Variants in ST7L observed in about 807,000 individuals in gnomAD.
The protein encoded by ST7L is suppression of tumorigenicity 7 like.
In ST7L, 57 loss-of-function variants were observed where a neutral mutation model predicts 72.5. The ratio of observed to expected loss-of-function variants is 0.79; its 90% CI spans 0.64 to 0.98. The LOEUF is 0.98. Ranked by LOEUF, ST7L falls within the 50% of genes least tolerant of loss-of-function variation. The pLI, the probability that ST7L is intolerant of heterozygous loss-of-function variation, is 0.00. For missense variants in ST7L, 576 were observed against 672.2 expected, an observed-to-expected ratio of 0.86 and a Z score of 1.58; for synonymous variants, 221 against 240.9, an observed-to-expected ratio of 0.92 and a Z score of 0.77.
intron 12 of ST7L, 100 bp from the exon 13 acceptor site, chr1:112,550,793 T>C (rs1372755220): frequency 1.1e-6 from 1 of 900,250 alleles, no homozygotes; most frequent in Non-Finnish European, 1.7e-6. Context: ...CTATTTTCTT[T>C]TTTTAGTGAG....
chr1:112,600,702 G>A, intron 4 of ST7L, 92 bp downstream of exon 4: 1 of 1,070,308 alleles, frequency 9.3e-7, no homozygotes, highest in Non-Finnish European at 1.4e-6. Context: ...TCTACTAGAA[G>A]AGCTGCGATA....
intron 11 of ST7L, among the ~76,000 whole-genome samples, chr1:112,557,192 T>C (rs1378128734): frequency 6.6e-6 from 1 of 152,144 alleles, no homozygotes; most frequent in Non-Finnish European, 1.5e-5. Context: ...AAGTCAATTT[T>C]AGAACATTTT....
intron 3 of ST7L, 122 bp downstream of exon 3, chr1:112,610,719 G>C: frequency 4.8e-6 from 6 of 1,242,846 alleles, no homozygotes; most frequent in Non-Finnish European, 6.7e-6. Flanking sequence ...TTGGTGATTA[G>C]AATTTTGGGG....
chr1:112,616,945 C>A, intron 1 of ST7L, 50 bp from the exon 2 acceptor site: 2 of 1,294,712 alleles, frequency 1.5e-6, no homozygotes, highest in Non-Finnish European at 2.2e-6. Flanking sequence ...ATTTAAAGTA[C>A]TTAGGTTACA....
At chr1:112,571,484 T>A (rs1385873736) in intron 11 of ST7L, 1 of 260,752 alleles carries the variant, frequency 3.8e-6, no homozygotes, top group Non-Finnish European at 7.5e-6. Flanking sequence ...CAGAGTACAA[T>A]GGCATGATCT....
At chr1:112,521,841 C>T (rs1652898789), downstream of ST7L, 2 of 152,168 alleles carry the variant, frequency 1.3e-5, no homozygotes, top group South Asian at 4.1e-4. Context: ...GTGAGTTGGA[C>T]AGTGGTTATC....
intron 11 of ST7L, among the ~76,000 whole-genome samples, chr1:112,566,442 T>A (rs558824861): frequency 5.3e-5 from 8 of 151,702 alleles, no homozygotes; most frequent in Admixed American, 3.3e-4. Context: ...GGACTACAGG[T>A]GTGTGCCACC....
At chr1:112,547,522 A>ACAT (rs1231720037) in intron 13 of ST7L, among the ~76,000 whole-genome samples, 2 of 143,080 alleles carry the variant, frequency 1.4e-5, no homozygotes, top group African/African-American at 5.2e-5. Flanking sequence ...TGTATTCCAT[A>ACAT]CATGTAGCAC....
At chr1:112,586,120 C>T (rs1340300230) in intron 6 of ST7L, among the ~76,000 whole-genome samples, 2 of 152,208 alleles carry the variant, frequency 1.3e-5, no homozygotes, top group Non-Finnish European at 2.9e-5. Flanking sequence ...ATTAGATACA[C>T]TGCTGCTTTA....
chr1:112,560,646 T>C (rs963039743), intron 11 of ST7L, among the ~76,000 whole-genome samples: 2 of 152,090 alleles, frequency 1.3e-5, no homozygotes, highest in Admixed American at 6.5e-5. Context: ...ATGCCTAGCA[T>C]ATTACACTAA....
chr1:112,596,926 C>G lies in ST7L; in HGVS notation c.622+1045G>C, dbSNP rs555013128. Among the ~76,000 whole-genome samples, 3 of 152,092 alleles carry G rather than the reference C, an allele frequency of 2.0e-5. No homozygotes were observed. In the South Asian group the frequency reaches 6.2e-4, roughly 31 times the overall value. On this transcript the variant is annotated intron_variant, in intron 5 of 14. Coordinates refer to ENST00000358039, the MANE Select transcript of ST7L (RefSeq NM_017744.5). The stretch of plus-strand genomic sequence containing the variant: ...TGCTGGGATTACAGGCGTGAGCCAC[C>G]GCGCCCAGCCCATTCATACTTTCCT...
intron 8 of ST7L, 22 bp from the exon 9 acceptor site, chr1:112,582,128 A>C: frequency 6.5e-7 from 1 of 1,527,278 alleles, no homozygotes; most frequent in African/African-American, 1.4e-5. Context: ...AAGGAAAAGA[A>C]AGATTAAAAT....
intron 10 of ST7L, 146 bp from the exon 11 acceptor site, chr1:112,577,234 A>G: frequency 2.1e-6 from 1 of 481,966 alleles, no homozygotes; most frequent in East Asian, 3.4e-5. Flanking sequence ...AAAAAAAAAA[A>G]AAAATTAAAG....
At chr1:112,560,231 A>G (rs1659886331) in intron 11 of ST7L, among the ~76,000 whole-genome samples, 1 of 151,612 alleles carries the variant, frequency 6.6e-6, no homozygotes, top group East Asian at 2.0e-4. Flanking sequence ...CGTCTCTACT[A>G]AAAATACAAA....
chr1:112,526,282 C>T, intron 14 of ST7L, 171 bp from the exon 15 acceptor site: 1 of 713,136 alleles, frequency 1.4e-6, no homozygotes, highest in East Asian at 2.6e-5. Context: ...ACCATGTGAC[C>T]ACTATACAAC....
chr1:112,618,388 CTA>C (rs1333756917), intron 1 of ST7L: 2 of 430,834 alleles, frequency 4.6e-6, no homozygotes, highest in East Asian at 3.1e-4. Flanking sequence ...ACAGACAAAA[CTA>C]TCACGAAAAC....
chr1:112,575,336 C>T (rs893765509), intron 11 of ST7L, among the ~76,000 whole-genome samples: 9 of 152,198 alleles, frequency 5.9e-5, no homozygotes, highest in Non-Finnish European at 8.8e-5. Flanking sequence ...CCAAACCCTA[C>T]GTACACCATG....
At chr1:112,540,973 T>TTA in intron 14 of ST7L, 1 of 702,820 alleles carries the variant, frequency 1.4e-6, no homozygotes, top group Non-Finnish European at 2.1e-6. Flanking sequence ...GCCAGTGACA[T>TTA]TAATAAGTTC....
chr1:112,587,591 G>A (rs1401337287), intron 6 of ST7L, among the ~76,000 whole-genome samples: 2 of 152,172 alleles, frequency 1.3e-5, no homozygotes, highest in Admixed American at 1.3e-4. Context: ...CAAAAAGAGT[G>A]AAACTCTGTC....
Sources: allele counts gnomAD v4.1 joint callset (sites outside exome capture counted in the v4.1 genomes callset), GRCh38; gene constraint gnomAD v4.1.1; transcripts MANE v1.5; gene names NCBI Gene and HGNC (gene_info 2026-07-23, HGNC 2026-07-21).